Variants in TUBA1C observed in about 807,000 individuals in gnomAD.
TUBA1C encodes the protein tubulin alpha 1c, also known as tubulin alpha-1C chain.
Under a neutral mutation model 34.9 loss-of-function variants are expected in TUBA1C, and 16 were observed. The observed-to-expected ratio is 0.46, with a 90% confidence interval of 0.31 to 0.70. The LOEUF (loss-of-function observed/expected upper bound fraction) is 0.70, where lower values mean the gene tolerates loss of function less well. Among genes scored for constraint, TUBA1C ranks in the 30% least tolerant of loss-of-function variants. TUBA1C has a pLI of 0.05. For synonymous variants in TUBA1C, 177 were observed against 215.9 expected, an observed-to-expected ratio of 0.82 and a Z score of 1.58; for missense variants, 329 against 587.3, an observed-to-expected ratio of 0.56 and a Z score of 4.55.
At chr12:49,265,971 A>C (rs75051125) in intron 1 of TUBA1C, among the ~76,000 whole-genome samples, 6 of 141,684 alleles carry the variant, frequency 4.2e-5, no homozygotes, top group South Asian at 2.3e-4. Context: ...AAAAAAAAAA[A>C]ACAAAAAAAA....
rs1309853317 is a variant in TUBA1C at position 49,274,453 on chromosome 12, C to T, written c.*1226C>T. On this transcript the variant is annotated 3_prime_UTR_variant, in exon 4 of 4. Transcript: ENST00000301072. ...GGCCCCTAGATACGTTTTTTAATAA[C>T]CTCCCAAATGATGCTGTTGGTCTGA... 4 of 151,694 alleles carry T rather than the reference C, an allele frequency of 2.6e-5. No individual in the cohort carries two copies. Among genetic ancestry groups the T allele is most frequent in the Non-Finnish European group, 5.9e-5 (4 of 67,980 alleles). 9.4% of individuals were successfully genotyped at this position (151,694 alleles called of 1,614,324 possible).
chr12:49,268,583 T>A (rs939068582), intron 1 of TUBA1C, among the ~76,000 whole-genome samples: 5 of 152,136 alleles, frequency 3.3e-5, no homozygotes, highest in African/African-American at 1.2e-4. Context: ...ATTTCTAGCC[T>A]TTATTATTAT....
rs1592287781 is a variant in TUBA1C, at chr12:49,269,514, A to G, written c.53A>G (p.Asn18Ser). 6 of 1,614,176 alleles carry G rather than the reference A, an allele frequency of 3.7e-6. No homozygotes were observed. Among genetic ancestry groups the G allele is most frequent in the South Asian group, 1.1e-5 (1 of 91,080 alleles). The change falls in exon 2 of 4, where the codon AAT becomes AGT. Residue 18 changes from asparagine to serine, a missense_variant. Physicochemically the swap from Asn to Ser is conservative, Grantham distance 46. Around this residue, in one of 4 missense-constraint regions of TUBA1C, gnomAD observed 152 missense variants for 240.3 expected, o/e 0.63. Transcript: ENST00000301072. ...GGCCAGGCTGGTGTCCAGATTGGCA[A>G]TGCCTGCTGGGAGCTCTACTGCCTG... Reference protein sequence around the residue: ...HVGQAGVQIGNACWELYCLEH... With the variant: ...HVGQAGVQIGSACWELYCLEH...
intron 1 of TUBA1C, among the ~76,000 whole-genome samples, chr12:49,247,615 A>G (rs752039818): frequency 7.2e-5 from 11 of 151,752 alleles, no homozygotes; most frequent in Non-Finnish European, 1.3e-4. Context: ...AAACAAACAA[A>G]CAAGACAAAC....
intron 1 of TUBA1C, among the ~76,000 whole-genome samples, chr12:49,247,618 A>G (rs757712944): frequency 4.0e-5 from 6 of 151,750 alleles, no homozygotes; most frequent in Non-Finnish European, 5.9e-5. Context: ...CAAACAAACA[A>G]GACAAACCCA....
At chr12:49,263,662 A>C (rs1157401541), upstream of TUBA1C, among the ~76,000 whole-genome samples, 1 of 152,090 alleles carries the variant, frequency 6.6e-6, no homozygotes, top group Non-Finnish European at 1.5e-5. Context: ...ATATTTCCAT[A>C]AACTCTGTAT....
intron 1 of TUBA1C, among the ~76,000 whole-genome samples, chr12:49,231,689 T>C (rs546698129): frequency 6.6e-6 from 1 of 151,752 alleles, no homozygotes; most frequent in Non-Finnish European, 1.5e-5. Flanking sequence ...AGATGATAGA[T>C]AGATAGATAG....
upstream of TUBA1C, chr12:49,265,004 G>T (rs375678433): frequency 7.8e-6 from 7 of 901,950 alleles, no homozygotes; most frequent in Non-Finnish European, 1.0e-5. Flanking sequence ...GCGGCACGGG[G>T]CGGGGTCTGG....
chr12:49,231,983 C>T (rs1002104368), intron 1 of TUBA1C, among the ~76,000 whole-genome samples: 3 of 152,208 alleles, frequency 2.0e-5, no homozygotes, highest in African/African-American at 4.8e-5. Context: ...TATCCCTAAA[C>T]GCTAATGCTG....
chr12:49,269,775 C>A, intron 2 of TUBA1C, 53 bp from the exon 3 acceptor site: 1 of 1,613,588 alleles, frequency 6.2e-7, no homozygotes, highest in East Asian at 2.2e-5. Context: ...CACTCACCCA[C>A]TCTCCCTCCC....
At position 49,265,551 on chromosome 12, in the gene TUBA1C, C is replaced by T. The variant is rs898906737; in HGVS notation, c.3+367C>T. 2.6e-5 allele frequency among the ~76,000 whole-genome samples: 4 copies of T among 152,346 alleles called. 1 individual carries two copies. The highest frequency in any genetic ancestry group is 6.8e-3 in the Middle Eastern group (2 of 294). On this transcript the variant is annotated intron_variant, in intron 1 of 3. Transcript: ENST00000301072. ...ACGTTTTCTCAAGCGACCTCTCCTTCCTACTGCCTTACAAACTGGGCCCCG... is the reference window on the plus strand; with the variant it reads ...ACGTTTTCTCAAGCGACCTCTCCTTTCTACTGCCTTACAAACTGGGCCCCG...
At chr12:49,266,319 A>G (rs138683421) in intron 1 of TUBA1C, among the ~76,000 whole-genome samples, 2,328 of 150,014 alleles carry the variant, frequency 0.016, 29 homozygotes, top group Admixed American at 0.031. Context: ...AGTCTCAGCT[A>G]CTCGGGAGGC....
At chr12:49,254,484 CAAA>C (rs764051406) in intron 1 of TUBA1C, among the ~76,000 whole-genome samples, 1,226 of 29,470 alleles carry the variant, frequency 0.042, 5 homozygotes, top group African/African-American at 0.12. Flanking sequence ...TCCATCTAAA[CAAA>C]AAAAAAAAAA....
chr12:49,260,671 C>A (rs1010400913), upstream of TUBA1C, among the ~76,000 whole-genome samples: 21 of 152,248 alleles, frequency 1.4e-4, no homozygotes, highest in African/African-American at 5.1e-4. Context: ...AAGTAATGTC[C>A]TGCTATTCTG....
upstream of TUBA1C, among the ~76,000 whole-genome samples, chr12:49,263,952 G>A (rs1942866217): frequency 6.6e-6 from 1 of 152,054 alleles, no homozygotes. Flanking sequence ...CAGGCGCGGT[G>A]GCTCACGCCT....
intron 1 of TUBA1C, among the ~76,000 whole-genome samples, chr12:49,267,832 T>TTTTA (rs1311322935): frequency 6.6e-6 from 1 of 152,114 alleles, no homozygotes; most frequent in East Asian, 1.9e-4. Flanking sequence ...TAATTAGGGT[T>TTTTA]TTTATTATCT....
chr12:49,241,791 A>G (rs917633021), intron 1 of TUBA1C, among the ~76,000 whole-genome samples: 1 of 151,628 alleles, frequency 6.6e-6, no homozygotes, highest in Non-Finnish European at 1.5e-5. Context: ...CTGGGACTAC[A>G]GGCGCACGCC....
chr12:49,235,001 A>G (rs1942537376), intron 1 of TUBA1C, among the ~76,000 whole-genome samples: 1 of 151,726 alleles, frequency 6.6e-6, no homozygotes, highest in South Asian at 2.1e-4. Context: ...TATTTTTAGT[A>G]GAGACGGGGT....
intron 1 of TUBA1C, among the ~76,000 whole-genome samples, chr12:49,239,280 G>C (rs1480924536): frequency 6.6e-6 from 1 of 152,142 alleles, no homozygotes; most frequent in Non-Finnish European, 1.5e-5. Context: ...GCTTACAGGA[G>C]CTGAGAGCCA....
Sources: gnomAD v4.1 joint callset for allele counts (sites outside exome capture counted in the v4.1 genomes callset) on GRCh38, gnomAD v4.1.1 for gene constraint, gnomAD v4.1.1 regional missense constraint, MANE v1.5 for transcripts, NCBI Gene and HGNC (gene_info 2026-07-23, HGNC 2026-07-21) for gene names.